Variants in PCDHA10 observed in about 807,000 individuals in gnomAD.
PCDHA10 encodes the protein protocadherin alpha 10.
Under a neutral mutation model 61.2 loss-of-function variants are expected in PCDHA10, and 45 were observed. That is an observed-to-expected ratio of 0.74 (90% CI 0.58 to 0.94). PCDHA10 has a LOEUF of 0.94. Among genes scored for constraint, PCDHA10 ranks in the 40% least tolerant of loss-of-function variants. The probability of loss-of-function intolerance (pLI) is 0.00; values close to 1 mark genes in which losing one functional copy is unlikely to be tolerated. For missense variants in PCDHA10, 1,278 were observed against 1,236.2 expected, an observed-to-expected ratio of 1.03 and a Z score of -0.51; for synonymous variants, 602 against 548.8, an observed-to-expected ratio of 1.10 and a Z score of -1.35.
chr5:140,873,097 A>G (rs578070341), intron 1 of PCDHA10, among the ~76,000 whole-genome samples: 173 of 152,330 alleles, frequency 1.1e-3, no homozygotes, highest in African/African-American at 4.0e-3. Context: ...GTATAGAGGC[A>G]TAACATACCA....
intron 1 of PCDHA10, chr5:140,967,145 A>C: frequency 1.2e-6 from 2 of 1,610,892 alleles, no homozygotes; most frequent in Non-Finnish European, 8.5e-7. Context: ...GCTGGCGCAC[A>C]ACCCCGTGGC....
At chr5:140,971,466 G>A (rs928383559) in intron 1 of PCDHA10, among the ~76,000 whole-genome samples, 2 of 152,144 alleles carry the variant, frequency 1.3e-5, no homozygotes, top group Non-Finnish European at 2.9e-5. Flanking sequence ...GCAGTTATAG[G>A]GAGAGAGTGT....
chr5:140,867,619 C>T (rs1554161426), intron 1 of PCDHA10: 3 of 152,174 alleles, frequency 2.0e-5, no homozygotes, highest in South Asian at 4.1e-4. Flanking sequence ...AACTATAGAA[C>T]AAAATATTTA....
At position 140,945,888 on chromosome 5, in the gene PCDHA10, C is replaced by T. The variant is rs117232601; in HGVS notation, c.2389-33061C>T. Among the ~76,000 whole-genome samples, 21 of 152,006 alleles carry T rather than the reference C, an allele frequency of 1.4e-4. No homozygotes were observed. The East Asian group carries it at 2.9e-3, about 21-fold the overall frequency. On this transcript the variant is annotated intron_variant, in intron 1 of 3. Transcript: ENST00000307360. Reference sequence around the variant, plus strand: ...GAAATTGTAAAACTAACAAAGAAAACACAGTGGGAAAGATGAAAGATCAAT... The same window carrying T: ...GAAATTGTAAAACTAACAAAGAAAATACAGTGGGAAAGATGAAAGATCAAT...
intron 2 of PCDHA10, among the ~76,000 whole-genome samples, chr5:140,981,613 G>C (rs1279038280): frequency 6.6e-6 from 1 of 152,056 alleles, no homozygotes; most frequent in Non-Finnish European, 1.5e-5. Flanking sequence ...CTCTAATTTT[G>C]ATGAGGGTTT....
At chr5:140,875,979 C>T in intron 1 of PCDHA10, 5 of 1,613,984 alleles carry the variant, frequency 3.1e-6, no homozygotes, top group Non-Finnish European at 4.2e-6. Context: ...CTCTTTTGAC[C>T]TATGCGTTAA....
At chr5:140,859,454 C>G (rs1400169609) in intron 1 of PCDHA10, 1 of 217,780 alleles carries the variant, frequency 4.6e-6, no homozygotes, top group South Asian at 1.1e-4. Context: ...TGCAGAGTGA[C>G]AAAACTACAC....
At chr5:140,870,132 C>T (rs371110623) in intron 1 of PCDHA10, 43 of 1,613,852 alleles carry the variant, frequency 2.7e-5, no homozygotes, top group East Asian at 4.5e-5. Context: ...TGGACACCAA[C>T]GATAACTCTC....
chr5:140,927,536 G>A (rs1227240979), intron 1 of PCDHA10: 3 of 1,614,138 alleles, frequency 1.9e-6, no homozygotes, highest in Non-Finnish European at 2.5e-6. Context: ...GCCCGCTCAG[G>A]AGACGCACAA....
rs1012417649 is a variant in PCDHA10 at position 141,010,189 on chromosome 5, T to C, written c.*252T>C. On this transcript the variant is annotated 3_prime_UTR_variant, in exon 4 of 4. Coordinates refer to ENST00000307360, the MANE Select transcript of PCDHA10 (RefSeq NM_018901.4). ...AGAACCTAAAAAGCAGACCCAAGTT[T>C]CCTTTCTCCTCCGCCGCAAAGGAGA... 6 of 1,552,498 alleles carry C rather than the reference T, an allele frequency of 3.9e-6. No individual in the cohort carries two copies. Among genetic ancestry groups the C allele is most frequent in the Middle Eastern group, 1.7e-4 (1 of 5,994 alleles).
intron 3 of PCDHA10, among the ~76,000 whole-genome samples, chr5:140,985,897 T>G (rs1037239723): frequency 1.3e-5 from 2 of 151,648 alleles, no homozygotes; most frequent in Non-Finnish European, 2.9e-5. Context: ...CCGCCACCAC[T>G]CCCGTCTAAT....
chr5:141,001,126 C>A (rs2097993222), intron 3 of PCDHA10, among the ~76,000 whole-genome samples: 1 of 151,970 alleles, frequency 6.6e-6, no homozygotes, highest in African/African-American at 2.4e-5. Context: ...AGTCCTTAAA[C>A]AAATGAATCT....
intron 1 of PCDHA10, among the ~76,000 whole-genome samples, chr5:140,964,480 C>T (rs2095835890): frequency 6.6e-6 from 1 of 152,122 alleles, no homozygotes; most frequent in Non-Finnish European, 1.5e-5. Flanking sequence ...GATTTTTTCA[C>T]AGTCACAGGT....
At chr5:140,975,352 T>G (rs2096663445) in intron 1 of PCDHA10, among the ~76,000 whole-genome samples, 1 of 152,256 alleles carries the variant, frequency 6.6e-6, no homozygotes, top group African/African-American at 2.4e-5. Flanking sequence ...TAAAGCCAAC[T>G]GTGCTACATA....
At chr5:140,869,418 C>G in intron 1 of PCDHA10, 1 of 1,614,174 alleles carries the variant, frequency 6.2e-7, no homozygotes, top group Non-Finnish European at 8.5e-7. Flanking sequence ...GCAGCATCCA[C>G]CTGGAGGTGA....
chr5:140,899,609 A>G (rs898089235), intron 1 of PCDHA10, among the ~76,000 whole-genome samples: 12 of 152,104 alleles, frequency 7.9e-5, no homozygotes, highest in Non-Finnish European at 1.6e-4. Context: ...CTTTTGCATC[A>G]ATGTTCATCA....
chr5:140,856,194 A>G lies in PCDHA10; in HGVS notation c.146A>G (p.Gln49Arg), dbSNP rs1299614347. 2 of 1,598,082 alleles carry G rather than the reference A, an allele frequency of 1.3e-6. No individual in the cohort carries two copies. Among genetic ancestry groups the G allele is most frequent in the Non-Finnish European group, 1.7e-6 (2 of 1,167,888 alleles). ...GGCACCTTCGTGGGCCGCATCGCGC[A>G]GGACCTGGGGCTGGAGCTGGCGGAG... ...RHGTFVGRIA[Q>R]DLGLELAELV... Residue 49 changes from glutamine to arginine, a missense_variant, in exon 1 of 4, where the codon CAG (glutamine) becomes CGG (arginine). Coordinates refer to ENST00000307360, the MANE Select transcript of PCDHA10 (RefSeq NM_018901.4).
chr5:140,964,380 C>T (rs891362271), intron 1 of PCDHA10, among the ~76,000 whole-genome samples: 9 of 152,120 alleles, frequency 5.9e-5, no homozygotes, highest in Non-Finnish European at 1.3e-4. Context: ...AAGGAGAGTC[C>T]TGGTTTTTCT....
At chr5:140,915,638 C>CTCTT (rs1554197009) in intron 1 of PCDHA10, among the ~76,000 whole-genome samples, 3 of 151,724 alleles carry the variant, frequency 2.0e-5, no homozygotes, top group Admixed American at 1.3e-4. Context: ...CTCTCTCTCT[C>CTCTT]TCTCTCTCTC....
Sources: allele counts gnomAD v4.1 joint callset (sites outside exome capture counted in the v4.1 genomes callset), GRCh38; gene constraint gnomAD v4.1.1; transcripts MANE v1.5; gene names NCBI Gene and HGNC (gene_info 2026-07-23, HGNC 2026-07-21).